SH3BP5: variants seen among roughly 807,000 people sequenced by gnomAD.
SH3BP5 encodes SH3 domain-binding protein 5.
In SH3BP5, 22 loss-of-function variants were observed where a neutral mutation model predicts 43.3. The observed-to-expected ratio is 0.51, with a 90% CI of 0.36 to 0.73. The LOEUF (loss-of-function observed/expected upper bound fraction) is 0.73. SH3BP5 is among the 30% of genes least tolerant of loss of function. The pLI, the probability that SH3BP5 is intolerant of heterozygous loss-of-function variation, is 0.00. For missense variants in SH3BP5, 529 were observed against 586.9 expected (o/e 0.90, Z 1.02); for synonymous variants, 255 against 225.8 (o/e 1.13, Z -1.16).
At chr3:15,331,916 C>T (rs1698619847) in intron 1 of SH3BP5, 1 of 211,074 alleles carries the variant, frequency 4.7e-6, no homozygotes, top group African/African-American at 2.3e-5. Context: ...GTGCCATGCC[C>T]GCGGTGCCGC....
chr3:15,294,286 AGTAAGTGT>A (rs1697498510), intron 3 of SH3BP5, among the ~76,000 whole-genome samples: 3 of 133,020 alleles, frequency 2.3e-5, no homozygotes, highest in South Asian at 5.0e-4. Context: ...CTTCTGCAAA[AGTAAGTGT>A]GTGTGTGTGT....
chr3:15,258,722 C>G (rs960059739), intron 7 of SH3BP5, 109 bp downstream of exon 7: 3 of 922,386 alleles, frequency 3.3e-6, no homozygotes. Context: ...GCCCTCAGGC[C>G]TGCCCAACTC....
chr3:15,326,656 A>C (rs1698471374), intron 2 of SH3BP5, among the ~76,000 whole-genome samples: 1 of 152,172 alleles, frequency 6.6e-6, no homozygotes, highest in African/African-American at 2.4e-5. Flanking sequence ...ACCGACATAC[A>C]CAGGAGCGAC....
At chr3:15,288,795 T>C (rs1697334039) in intron 3 of SH3BP5, among the ~76,000 whole-genome samples, 1 of 152,208 alleles carries the variant, frequency 6.6e-6, no homozygotes, top group African/African-American at 2.4e-5. Flanking sequence ...GGGTAAGACA[T>C]GAGGGATTGC....
intron 3 of SH3BP5, chr3:15,273,481 C>T: frequency 1.2e-6 from 1 of 824,410 alleles, no homozygotes; most frequent in Non-Finnish European, 1.5e-6. Context: ...GGACAAGCGT[C>T]TGAAGTTTCT....
In SH3BP5 at chr3:15,331,972, CT is replaced by C. The variant is rs766544387; in HGVS notation, c.138+298del. On this transcript the variant is annotated intron_variant, in intron 1 of 8. Coordinates refer to ENST00000383791, the MANE Select transcript of SH3BP5 (RefSeq NM_004844.5). Reference sequence around the variant, plus strand: ...GAGGATACCATGGCGCCCCCGCCCCCTTTTTCCCTTTGTTGCACATCCACCC... The same window carrying C: ...GAGGATACCATGGCGCCCCCGCCCCCTTTTCCCTTTGTTGCACATCCACCC... The C allele has an allele frequency of 5.3e-4, 183 of 345,630 alleles. 1 individual carries two copies. The highest frequency in any genetic ancestry group is 7.9e-4 in the Non-Finnish European group (148 of 188,224). 21.4% of individuals were successfully genotyped at this position (345,630 alleles called of 1,614,324 possible).
chr3:15,319,709 G>A (rs560108622), intron 2 of SH3BP5, among the ~76,000 whole-genome samples: 128 of 152,286 alleles, frequency 8.4e-4, no homozygotes, highest in Admixed American at 1.6e-3. Flanking sequence ...AAGGTCACAC[G>A]TAGGCACTCT....
At position 15,257,017 on chromosome 3, in the gene SH3BP5, G is replaced by C. The variant is rs765936587; in HGVS notation, c.986C>G (p.Thr329Arg). The change falls in exon 8 of 9, where the codon ACA becomes AGA. Residue 329 changes from threonine (T) to arginine (R), a missense_variant. Physicochemically the swap from Thr to Arg is moderately conservative, Grantham distance 71. This residue lies in a region of SH3BP5 where 369 missense variants were observed against 384.3 expected (regional missense o/e 0.96). Transcript: ENST00000383791. ...QSVSSFSSGP[T>R]SPSEMPDQFP... ...CTGGTCAGGCATCTCAGACGGGCTTGTTGGTCCTGAACTAAAGCTGGACAC... is the reference window on the plus strand; with the variant it reads ...CTGGTCAGGCATCTCAGACGGGCTTCTTGGTCCTGAACTAAAGCTGGACAC... The C allele has an allele frequency of 3.1e-6, 5 of 1,614,236 alleles. No individual in the cohort carries two copies. The Admixed American group carries it at 6.7e-5, about 22-fold the overall frequency.
At chr3:15,301,767 A>G in intron 3 of SH3BP5, among the ~76,000 whole-genome samples, 1 of 152,074 alleles carries the variant, frequency 6.6e-6, no homozygotes, top group Non-Finnish European at 1.5e-5. Context: ...TCACATCAGC[A>G]CAGCCAAGGG....
chr3:15,255,959 G>A lies in SH3BP5; in HGVS notation c.*127C>T. 1.2e-6 allele frequency: 1 copy of A among 834,402 alleles called. No individual in the cohort carries two copies. The highest frequency in any genetic ancestry group is 1.9e-6 in the Non-Finnish European group (1 of 519,764). 51.7% of individuals were successfully genotyped at this position (834,402 alleles called of 1,614,324 possible). ...ACAATCTTTAGCCCTCAAGGTCACT[G>A]AAACTTCATTAGAGCAGTTTAGAGT... On this transcript the variant is annotated 3_prime_UTR_variant, in exon 9 of 9. Transcript: ENST00000383791.
At position 15,254,460 on chromosome 3, in the gene SH3BP5, AT is replaced by A. The variant is rs1696122344; in HGVS notation, c.*1625del. On this transcript the variant is annotated 3_prime_UTR_variant, in exon 9 of 9. Transcript: ENST00000383791. Reference sequence around the variant, plus strand: ...ATCTGATTCTCAACTCTGAATGCACATTTGAATTCCCTCGGGGAGCTTTTAA... The same window carrying A: ...ATCTGATTCTCAACTCTGAATGCACATTGAATTCCCTCGGGGAGCTTTTAA... 4 of 152,302 alleles carry A rather than the reference AT, an allele frequency of 2.6e-5. No individual in the cohort carries two copies. The highest frequency in any genetic ancestry group is 2.6e-4 in the Admixed American group (4 of 15,294). 9.4% of individuals were successfully genotyped at this position (152,302 alleles called of 1,614,324 possible). A position where few individuals can be genotyped will look rare whatever the true frequency, so the allele number is the denominator to read the frequency against.
At chr3:15,312,329 A>C (rs1698079701) in intron 2 of SH3BP5, among the ~76,000 whole-genome samples, 2 of 152,224 alleles carry the variant, frequency 1.3e-5, no homozygotes, top group Non-Finnish European at 2.9e-5. Context: ...CTTTTCCATA[A>C]AATGTATTAT....
At chr3:15,321,952 C>T (rs1474690259) in intron 2 of SH3BP5, among the ~76,000 whole-genome samples, 1 of 152,158 alleles carries the variant, frequency 6.6e-6, no homozygotes, top group Non-Finnish European at 1.5e-5. Flanking sequence ...TGCCTATAAT[C>T]CCAGTACTTT....
chr3:15,277,075 C>A (rs1393548091), intron 3 of SH3BP5, among the ~76,000 whole-genome samples: 1 of 152,124 alleles, frequency 6.6e-6, no homozygotes, highest in East Asian at 1.9e-4. Flanking sequence ...CTCAGCCTCC[C>A]AAGTAGCTGG....
chr3:15,308,491 C>T (rs537318931), intron 2 of SH3BP5, among the ~76,000 whole-genome samples: 2 of 152,272 alleles, frequency 1.3e-5, no homozygotes, highest in South Asian at 2.1e-4. Context: ...AACAGACACA[C>T]GGCTGAGAAG....
At chr3:15,283,302 G>A (rs770702912) in intron 3 of SH3BP5, among the ~76,000 whole-genome samples, 42 of 152,184 alleles carry the variant, frequency 2.8e-4, no homozygotes, top group Non-Finnish European at 5.6e-4. Context: ...GGTGACTGAG[G>A]CACGACAATC....
At chr3:15,318,234 A>G (rs1210132163) in intron 2 of SH3BP5, among the ~76,000 whole-genome samples, 1 of 152,192 alleles carries the variant, frequency 6.6e-6, no homozygotes, top group African/African-American at 2.4e-5. Flanking sequence ...ATTATTTAAT[A>G]ACTGGCTAAG....
chr3:15,290,433 G>T (rs1208396519), intron 3 of SH3BP5, among the ~76,000 whole-genome samples: 2 of 151,296 alleles, frequency 1.3e-5, no homozygotes, highest in Non-Finnish European at 2.9e-5. Context: ...GGCTGAGGCA[G>T]GAGAATTGCT....
chr3:15,327,573 C>A (rs1360262902), intron 2 of SH3BP5, among the ~76,000 whole-genome samples: 1 of 152,236 alleles, frequency 6.6e-6, no homozygotes, highest in African/African-American at 2.4e-5. Flanking sequence ...CAGCGCCCCT[C>A]CAGTGTCTCT....
Sources: allele counts gnomAD v4.1 joint callset (sites outside exome capture counted in the v4.1 genomes callset), GRCh38; gene constraint gnomAD v4.1.1; regional missense constraint gnomAD v4.1.1; transcripts MANE v1.5; gene names NCBI Gene and HGNC (gene_info 2026-07-23, HGNC 2026-07-21).